GNB5: variants seen among roughly 807,000 people sequenced by gnomAD.
GNB5 encodes G protein subunit beta 5.
In GNB5, 37 loss-of-function variants were observed where a neutral mutation model predicts 55.3. That is an observed-to-expected ratio of 0.67 (90% CI 0.51 to 0.88). The LOEUF (loss-of-function observed/expected upper bound fraction) is 0.88, where lower values mean the gene tolerates loss of function less well. Among genes scored for constraint, GNB5 ranks in the 40% least tolerant of loss-of-function variants. The pLI is 0.00. For missense variants in GNB5, 476 were observed against 515.3 expected (o/e 0.92, Z 0.74); for synonymous variants, 219 against 198.5 (o/e 1.10, Z -0.87).
intron 3 of GNB5, among the ~76,000 whole-genome samples, chr15:52,177,716 A>T (rs1440627470): frequency 6.6e-6 from 1 of 152,092 alleles, no homozygotes; most frequent in Non-Finnish European, 1.5e-5. Context: ...ATCAGGAGAC[A>T]TGTCAAAGGG....
intron 3 of GNB5, 82 bp downstream of exon 3, chr15:52,179,686 G>T: frequency 1.4e-6 from 1 of 740,120 alleles, no homozygotes; most frequent in Non-Finnish European, 1.8e-6. Flanking sequence ...AGCCACGACC[G>T]CCCCCACCGC....
intron 2 of GNB5, among the ~76,000 whole-genome samples, chr15:52,183,949 G>A (rs1226356307): frequency 6.6e-6 from 1 of 152,158 alleles, no homozygotes; most frequent in East Asian, 1.9e-4. Flanking sequence ...AGTCTTTGTT[G>A]AAGGCTTAGG....
chr15:52,147,394 T>A (rs904367245), intron 6 of GNB5, 65 bp downstream of exon 6: 3 of 907,490 alleles, frequency 3.3e-6, no homozygotes, highest in Non-Finnish European at 5.6e-6. Context: ...TTGTTTGTTT[T>A]TGCCAAGAGA....
intron 11 of GNB5, chr15:52,125,575 C>T (rs182923986): frequency 6.0e-6 from 1 of 165,380 alleles, no homozygotes; most frequent in East Asian, 1.7e-4. Flanking sequence ...GCCACAGTAT[C>T]CCACCAAGAA....
intron 11 of GNB5, chr15:52,125,358 T>G (rs1262882718): frequency 6.5e-6 from 1 of 152,764 alleles, no homozygotes; most frequent in African/African-American, 2.4e-5. Flanking sequence ...CTCAGCTCAC[T>G]GCAAGCTCCA....
chr15:52,124,561 A>T lies in GNB5; in HGVS notation c.1088T>A (p.Leu363Gln), dbSNP rs763856609. The T allele has an allele frequency of 1.9e-6, 3 of 1,613,776 alleles. No homozygotes were observed. Among genetic ancestry groups the T allele is most frequent in the Non-Finnish European group, 2.5e-6 (3 of 1,179,602 alleles). ...DVLKGSRVSI[L>Q]FGHENRVSTL... Reference sequence around the variant, plus strand: ...GCTAACGCGGTTTTCATGTCCAAACAGGATGGAGACCCGGGACCCTTTGAG... The same window carrying T: ...GCTAACGCGGTTTTCATGTCCAAACTGGATGGAGACCCGGGACCCTTTGAG... The change falls in exon 12 of 13, where the codon CTG becomes CAG. Residue 363 changes from leucine to glutamine, a missense_variant. Transcript: ENST00000261837.
At chr15:52,150,315 A>G (rs1249972284) in intron 4 of GNB5, among the ~76,000 whole-genome samples, 1 of 152,236 alleles carries the variant, frequency 6.6e-6, no homozygotes, top group African/African-American at 2.4e-5. Flanking sequence ...GGCACCTGAC[A>G]GGTAAATAAT....
chr15:52,161,043 G>A lies in GNB5; in HGVS notation c.239-6967C>T, dbSNP rs114197030. ...ATTGATTGTGTGTCTCCTGGGTGACGGGCACTGGGCTGAGTGCTTTACACA... is the reference window on the plus strand; with the variant it reads ...ATTGATTGTGTGTCTCCTGGGTGACAGGCACTGGGCTGAGTGCTTTACACA... On this transcript the variant is annotated intron_variant, in intron 3 of 12. Coordinates refer to ENST00000261837, the MANE Select transcript of GNB5 (RefSeq NM_016194.4). Among the ~76,000 whole-genome samples, 345 of 152,222 alleles carry A rather than the reference G, an allele frequency of 2.3e-3. 2 individuals are homozygous for A. Among genetic ancestry groups the A allele is most frequent in the African/African-American group, 7.9e-3 (330 of 41,542 alleles).
chr15:52,186,732 G>A (rs560373600), intron 1 of GNB5, among the ~76,000 whole-genome samples: 34 of 152,180 alleles, frequency 2.2e-4, no homozygotes, highest in Non-Finnish European at 3.7e-4. Flanking sequence ...ATCTGAGAGG[G>A]ATGCATTTAT....
chr15:52,179,354 T>TA (rs973641227), intron 3 of GNB5, among the ~76,000 whole-genome samples: 3 of 151,660 alleles, frequency 2.0e-5, no homozygotes, highest in Non-Finnish European at 2.9e-5. Flanking sequence ...AGACGGGCAT[T>TA]AAAAAACAAA....
intron 3 of GNB5, among the ~76,000 whole-genome samples, chr15:52,179,448 T>A (rs1054195004): frequency 2.0e-5 from 3 of 151,054 alleles, no homozygotes; most frequent in East Asian, 2.0e-4. Context: ...GCCCTCCGCA[T>A]GGGAGGGGCA....
At chr15:52,158,612 T>C (rs2034265310) in intron 3 of GNB5, among the ~76,000 whole-genome samples, 1 of 152,054 alleles carries the variant, frequency 6.6e-6, no homozygotes, top group Non-Finnish European at 1.5e-5. Context: ...CACACAGGGT[T>C]TCAGACCTAC....
rs2033711549 is a variant in GNB5, at chr15:52,136,149, CACACACACACACACACACA to C, written c.628-412_628-394del. Among the ~76,000 whole-genome samples the C allele has an allele frequency of 2.2e-5, 3 of 137,556 alleles. 1 individual carries two copies. Among genetic ancestry groups the C allele is most frequent in the African/African-American group, 8.7e-5 (3 of 34,478 alleles). The allele number at this position is 137,556 out of a possible 152,430, so 90.2% of individuals were successfully genotyped here. On this transcript the variant is annotated intron_variant, in intron 7 of 12. Transcript: ENST00000261837. ...ACACACACACACACACACACACACA[CACACACACACACACACACA>C]CACACCCTACCTGCTGTATCTGGGT...
intron 3 of GNB5, 72 bp from the exon 4 acceptor site, chr15:52,154,148 G>C (rs1205334715): frequency 6.8e-7 from 1 of 1,463,476 alleles, no homozygotes; most frequent in East Asian, 2.3e-5. Context: ...ACACAGCACA[G>C]ACATATGTTC....
In GNB5 at chr15:52,171,093, CAAAAAAAAAAAA is replaced by C. The variant is rs58181494; in HGVS notation, c.238+8663_238+8674del. Among the ~76,000 whole-genome samples the C allele has an allele frequency of 1.2e-4, 9 of 72,642 alleles. No individual in the cohort carries two copies. In the East Asian group the frequency reaches 3.5e-3, roughly 28 times the overall value. 47.7% of individuals were successfully genotyped at this position (72,642 alleles called of 152,430 possible). ...GAGCAATAAAGTGAGACTCTATCTC[CAAAAAAAAAAAA>C]AAAAAAAAAAATTCATGAGCCACAA... On this transcript the variant is annotated intron_variant, in intron 3 of 12. Coordinates refer to ENST00000261837, the MANE Select transcript of GNB5 (RefSeq NM_016194.4).
intron 3 of GNB5, among the ~76,000 whole-genome samples, chr15:52,171,187 T>C (rs1187594327): frequency 6.6e-6 from 1 of 151,550 alleles, no homozygotes; most frequent in South Asian, 2.1e-4. Context: ...TATGGGACCA[T>C]CTTTAAGATT....
At position 52,121,724 on chromosome 15, in the gene GNB5, T is replaced by A. The variant is rs2033273451; in HGVS notation, c.*1033A>T. 6.6e-6 allele frequency: 1 copy of A among 151,736 alleles called. No individual in the cohort carries two copies. The highest frequency in any genetic ancestry group is 2.4e-5 in the African/African-American group (1 of 41,246). The allele number at this position is 151,736 out of a possible 1,614,324, so 9.4% of individuals were successfully genotyped here. On this transcript the variant is annotated 3_prime_UTR_variant, in exon 13 of 13. Coordinates refer to ENST00000261837, the MANE Select transcript of GNB5 (RefSeq NM_016194.4). ...TTCACGCCATTCTCCTGCCTCAGCCTCTCCGAGTAGCTGGGACTACAGGCG... is the reference window on the plus strand; with the variant it reads ...TTCACGCCATTCTCCTGCCTCAGCCACTCCGAGTAGCTGGGACTACAGGCG...
At chr15:52,168,566 C>A (rs1040367906) in intron 3 of GNB5, among the ~76,000 whole-genome samples, 3 of 152,032 alleles carry the variant, frequency 2.0e-5, no homozygotes, top group Non-Finnish European at 2.9e-5. Context: ...AGATTCAATG[C>A]GATTCCCATT....
chr15:52,141,068 G>C (rs1369978492), intron 7 of GNB5, 72 bp downstream of exon 7: 2 of 1,391,828 alleles, frequency 1.4e-6, no homozygotes, highest in East Asian at 2.3e-5. Flanking sequence ...GACGCCGAAA[G>C]CTTCCTCTCC....
Sources: allele counts gnomAD v4.1 joint callset (sites outside exome capture counted in the v4.1 genomes callset), GRCh38; gene constraint gnomAD v4.1.1; transcripts MANE v1.5; gene names NCBI Gene and HGNC (gene_info 2026-07-23, HGNC 2026-07-21).